GRXCR1: variants seen among roughly 807,000 people sequenced by gnomAD.
GRXCR1 encodes the protein glutaredoxin domain-containing cysteine-rich protein 1.
A neutral mutation model predicts 27.3 loss-of-function variants in GRXCR1; 27 were observed. The ratio of observed to expected loss-of-function variants is 0.99; its 90% CI spans 0.73 to 1.37. The LOEUF is 1.37. Among genes scored for constraint, GRXCR1 ranks in the 40% most tolerant of loss-of-function variants. The pLI is 0.00. For missense variants in GRXCR1, 379 were observed against 354.4 expected (o/e 1.07, Z -0.56); for synonymous variants, 122 against 131.1 (o/e 0.93, Z 0.47).
In GRXCR1 at chr4:42,919,523, T is replaced by G. The variant is rs370439542; in HGVS notation, c.384+25873T>G. 4.3e-4 allele frequency among the ~76,000 whole-genome samples: 65 copies of G among 152,170 alleles called. 2 individuals carry two copies. The South Asian group carries it at 9.8e-3, about 23-fold the overall frequency. ...ATTCCTTTCCAGGATAAATCTGGGG[T>G]GTTGTGATTCCAGAGATAAACAGAT... On this transcript the variant is annotated intron_variant, in intron 1 of 3. Transcript: ENST00000399770.
intron 2 of GRXCR1, among the ~76,000 whole-genome samples, chr4:42,987,258 T>TGCA (rs1711793217): frequency 1.2e-5 from 1 of 83,484 alleles, no homozygotes; most frequent in Non-Finnish European, 2.5e-5. Context: ...AATATATATA[T>TGCA]ATAATATATA....
chr4:43,002,843 G>T (rs1244286847), intron 2 of GRXCR1, among the ~76,000 whole-genome samples: 1 of 152,176 alleles, frequency 6.6e-6, no homozygotes, highest in African/African-American at 2.4e-5. Context: ...GACCTGTATT[G>T]AATGATGATA....
intron 2 of GRXCR1, among the ~76,000 whole-genome samples, chr4:42,969,880 A>T (rs1748343972): frequency 6.6e-6 from 1 of 152,142 alleles, no homozygotes; most frequent in Non-Finnish European, 1.5e-5. Flanking sequence ...CTAAGTTCAA[A>T]GTCTCATTTG....
intron 2 of GRXCR1, among the ~76,000 whole-genome samples, chr4:42,998,454 G>C (rs1712246186): frequency 6.6e-6 from 1 of 152,020 alleles, no homozygotes; most frequent in African/African-American, 2.4e-5. Flanking sequence ...GAAAATAATA[G>C]AAAATATGGA....
intron 2 of GRXCR1, among the ~76,000 whole-genome samples, chr4:42,995,291 A>C (rs1317634273): frequency 1.3e-5 from 2 of 152,150 alleles, no homozygotes; most frequent in East Asian, 1.9e-4. Context: ...TTATCTTAGC[A>C]ATATTCATCA....
intron 2 of GRXCR1, among the ~76,000 whole-genome samples, chr4:42,968,357 G>T (rs1271659278): frequency 1.3e-5 from 2 of 151,944 alleles, no homozygotes; most frequent in African/African-American, 4.8e-5. Context: ...TAAAACAATT[G>T]GTCTACTTTC....
intron 3 of GRXCR1, among the ~76,000 whole-genome samples, chr4:43,027,676 G>T (rs953514095): frequency 5.3e-5 from 8 of 152,148 alleles, no homozygotes; most frequent in African/African-American, 1.4e-4. Context: ...TATTTCATGA[G>T]AAAACCATAT....
In GRXCR1 at chr4:42,956,440, T is replaced by C. The variant is rs1012233799; in HGVS notation, c.385-6452T>C. ...TGAGGGAAGGAAAATGTAGCAAATG[T>C]AGAAGAGGAGGATTTTTTTTTTTTT... On this transcript the variant is annotated intron_variant, in intron 1 of 3. Transcript: ENST00000399770. Among the ~76,000 whole-genome samples, 3 of 151,236 alleles carry C rather than the reference T, an allele frequency of 2.0e-5. No individual in the cohort carries two copies. The South Asian group carries it at 6.2e-4, about 31-fold the overall frequency.
At chr4:43,004,969 G>T (rs1487956688) in intron 2 of GRXCR1, among the ~76,000 whole-genome samples, 1 of 152,130 alleles carries the variant, frequency 6.6e-6, no homozygotes, top group African/African-American at 2.4e-5. Context: ...GGAATGACAT[G>T]GTTTGGCTCT....
intron 1 of GRXCR1, among the ~76,000 whole-genome samples, chr4:42,903,457 A>G (rs10023453): frequency 0.011 from 1,625 of 145,546 alleles, 98 homozygotes; most frequent in African/African-American, 0.035. Context: ...GACTACAGGC[A>G]CCCACCACCA....
At chr4:43,010,178 G>A (rs1351246811) in intron 2 of GRXCR1, among the ~76,000 whole-genome samples, 1 of 152,124 alleles carries the variant, frequency 6.6e-6, no homozygotes, top group Non-Finnish European at 1.5e-5. Context: ...AAGATGGGTG[G>A]ATCACCTGAG....
chr4:42,945,898 C>G (rs1462290455), intron 1 of GRXCR1, among the ~76,000 whole-genome samples: 1 of 152,156 alleles, frequency 6.6e-6, no homozygotes, highest in Non-Finnish European at 1.5e-5. Context: ...TTAACTTAAA[C>G]TACCGCATTA....
At chr4:42,933,417 C>G (rs575604977) in intron 1 of GRXCR1, among the ~76,000 whole-genome samples, 45 of 152,028 alleles carry the variant, frequency 3.0e-4, no homozygotes, top group African/African-American at 1.0e-3. Flanking sequence ...CACCCACCCC[C>G]TCATAACTCT....
In GRXCR1 at chr4:42,910,497, T is replaced by C. The variant is rs145966644; in HGVS notation, c.384+16847T>C. The stretch of plus-strand genomic sequence containing the variant: ...ACTTATACTCCTGGGCTACATATGC[T>C]GAGTGGGCTTCCGTGAATGCCCCAT... On this transcript the variant is annotated intron_variant, in intron 1 of 3. Coordinates refer to ENST00000399770, the MANE Select transcript of GRXCR1 (RefSeq NM_001080476.3). Among the ~76,000 whole-genome samples the C allele has an allele frequency of 1.6e-3, 247 of 152,256 alleles. 2 individuals are homozygous for C. Among genetic ancestry groups the C allele is most frequent in the African/African-American group, 5.7e-3 (237 of 41,564 alleles).
intron 3 of GRXCR1, among the ~76,000 whole-genome samples, chr4:43,021,654 T>C (rs1330750107): frequency 1.3e-5 from 2 of 152,162 alleles, no homozygotes; most frequent in South Asian, 2.1e-4. Flanking sequence ...GTTTTTGTCG[T>C]AATACAAACA....
intron 1 of GRXCR1, among the ~76,000 whole-genome samples, chr4:42,958,891 G>A (rs1381499179): frequency 6.6e-6 from 1 of 151,946 alleles, no homozygotes; most frequent in East Asian, 1.9e-4. Context: ...ACACTTCTTA[G>A]GATGGCTGCT....
At chr4:43,012,802 T>C (rs1249704089) in intron 2 of GRXCR1, among the ~76,000 whole-genome samples, 2 of 152,136 alleles carry the variant, frequency 1.3e-5, no homozygotes, top group Non-Finnish European at 2.9e-5. Flanking sequence ...AAAAAAACCT[T>C]GGTGAGCTTA....
intron 1 of GRXCR1, among the ~76,000 whole-genome samples, chr4:42,961,584 G>C (rs1577921923): frequency 2.0e-5 from 3 of 151,880 alleles, no homozygotes; most frequent in Non-Finnish European, 4.4e-5. Context: ...TTTTACTCCT[G>C]ACCTGCTTCA....
intron 2 of GRXCR1, among the ~76,000 whole-genome samples, chr4:42,991,498 T>C (rs1043040276): frequency 2.0e-5 from 3 of 151,524 alleles, no homozygotes; most frequent in Admixed American, 6.6e-5. Flanking sequence ...ATATCTGTCA[T>C]TCATTAAAAG....
Sources: allele counts gnomAD v4.1 joint callset (sites outside exome capture counted in the v4.1 genomes callset), GRCh38; gene constraint gnomAD v4.1.1; transcripts MANE v1.5; gene names NCBI Gene and HGNC (gene_info 2026-07-23, HGNC 2026-07-21).